Variants in MAGI1 observed in about 807,000 individuals in gnomAD.
The protein encoded by MAGI1 is membrane-associated guanylate kinase, WW and PDZ domain-containing protein 1.
A neutral mutation model predicts 139.9 loss-of-function variants in MAGI1; 58 were observed. That is an observed-to-expected ratio of 0.41 (90% confidence interval 0.34 to 0.52). The LOEUF (loss-of-function observed/expected upper bound fraction) is 0.52, where lower values mean the gene tolerates loss of function less well. Among genes scored for constraint, MAGI1 ranks in the 20% least tolerant of loss-of-function variants. The pLI is 0.12. For missense variants in MAGI1, 1,874 were observed against 1,901.6 expected (o/e 0.99, Z 0.27); for synonymous variants, 812 against 737.9 (o/e 1.10, Z -1.63).
At chr3:65,505,601 C>T (rs563093121) in intron 2 of MAGI1, among the ~76,000 whole-genome samples, 10 of 150,774 alleles carry the variant, frequency 6.6e-5, no homozygotes, top group African/African-American at 1.9e-4. Context: ...GAGCCATGAT[C>T]GTGCCACTGC....
chr3:65,768,497 T>C (rs1223535709), intron 1 of MAGI1, among the ~76,000 whole-genome samples: 1 of 152,190 alleles, frequency 6.6e-6, no homozygotes, highest in East Asian at 1.9e-4. Flanking sequence ...AGGTTGCTTG[T>C]CTCAGTCAAG....
chr3:65,656,607 G>A (rs2085889175), intron 1 of MAGI1, among the ~76,000 whole-genome samples: 1 of 152,086 alleles, frequency 6.6e-6, no homozygotes, highest in South Asian at 2.1e-4. Context: ...GAGTGGGGGT[G>A]GGAGGCGGAT....
intron 1 of MAGI1, among the ~76,000 whole-genome samples, chr3:65,940,790 A>G (rs2063278013): frequency 6.6e-6 from 1 of 152,184 alleles, no homozygotes; most frequent in African/African-American, 2.4e-5. Context: ...TCCAGAGGCA[A>G]CCCACAAGGT....
intron 1 of MAGI1, among the ~76,000 whole-genome samples, chr3:65,638,920 T>C (rs1367165822): frequency 1.3e-5 from 2 of 152,136 alleles, no homozygotes; most frequent in Non-Finnish European, 2.9e-5. Flanking sequence ...GCTTATTTTT[T>C]TGACTTTTAG....
At chr3:65,578,587 G>A (rs1055207647) in intron 2 of MAGI1, among the ~76,000 whole-genome samples, 8 of 152,144 alleles carry the variant, frequency 5.3e-5, no homozygotes, top group Non-Finnish European at 1.0e-4. Flanking sequence ...CAGTCATGGG[G>A]GAAAATGAAA....
At chr3:65,882,752 G>A (rs1212126948) in intron 1 of MAGI1, among the ~76,000 whole-genome samples, 1 of 151,994 alleles carries the variant, frequency 6.6e-6, no homozygotes, top group Non-Finnish European at 1.5e-5. Context: ...GGGCAACATG[G>A]TGAAACCCCA....
chr3:65,977,147 G>T (rs369528122), intron 1 of MAGI1, among the ~76,000 whole-genome samples: 2 of 152,102 alleles, frequency 1.3e-5, no homozygotes, highest in East Asian at 1.9e-4. Flanking sequence ...CATCTAACTT[G>T]TGCTTTAGGC....
intron 1 of MAGI1, among the ~76,000 whole-genome samples, chr3:65,819,382 T>C (rs898660778): frequency 1.3e-5 from 2 of 152,204 alleles, no homozygotes; most frequent in Non-Finnish European, 2.9e-5. Flanking sequence ...CATTGCTTAA[T>C]TCACTTGACC....
chr3:65,395,271 T>C (rs914227790), intron 13 of MAGI1, among the ~76,000 whole-genome samples: 2 of 151,838 alleles, frequency 1.3e-5, no homozygotes, highest in Non-Finnish European at 2.9e-5. Context: ...ATTAATAAAA[T>C]ATAATCTATT....
At chr3:65,639,916 C>T (rs974238404) in intron 1 of MAGI1, among the ~76,000 whole-genome samples, 4 of 151,304 alleles carry the variant, frequency 2.6e-5, no homozygotes, top group Non-Finnish European at 2.9e-5. Context: ...GCAGGAGAAT[C>T]GCTTGAACCC....
chr3:65,454,508 G>A (rs917969374), intron 5 of MAGI1, among the ~76,000 whole-genome samples: 7 of 127,158 alleles, frequency 5.5e-5, no homozygotes, highest in African/African-American at 2.1e-4. Flanking sequence ...TTGTGCACAT[G>A]TACCCTAAAA....
intron 1 of MAGI1, among the ~76,000 whole-genome samples, chr3:65,772,236 T>G (rs1455037016): frequency 6.6e-6 from 1 of 152,140 alleles, no homozygotes; most frequent in Non-Finnish European, 1.5e-5. Flanking sequence ...ATATAACCTA[T>G]TAGGCCCAAT....
In MAGI1 at chr3:65,619,945, T is replaced by C. The variant is rs1033716173; in HGVS notation, c.430+2027A>G. The C allele has an allele frequency of 3.0e-6, 3 of 985,340 alleles. No individual in the cohort carries two copies. In the African/African-American group the frequency reaches 5.2e-5, roughly 17 times the overall value. The allele number at this position is 985,340 out of a possible 1,614,324, so 61.0% of individuals were successfully genotyped here. ...AAAACATCAATGCCAAGGGGCTTTA[T>C]ACCAGCAAAAACAAACATGATTTTT... On this transcript the variant is annotated intron_variant, in intron 2 of 22. Coordinates refer to ENST00000402939, the MANE Select transcript of MAGI1 (RefSeq NM_001033057.2).
At chr3:65,799,239 C>CA (rs1168337663) in intron 1 of MAGI1, among the ~76,000 whole-genome samples, 1 of 152,128 alleles carries the variant, frequency 6.6e-6, no homozygotes, top group African/African-American at 2.4e-5. Context: ...GTTATGGCCA[C>CA]AGTGCATTAC....
chr3:65,521,349 T>C (rs573197658), intron 2 of MAGI1, among the ~76,000 whole-genome samples: 26 of 152,276 alleles, frequency 1.7e-4, no homozygotes, highest in African/African-American at 6.3e-4. Context: ...TATCTCTATA[T>C]TAAACAACCA....
chr3:65,531,390 C>T (rs1166246182), intron 2 of MAGI1, among the ~76,000 whole-genome samples: 1 of 151,994 alleles, frequency 6.6e-6, no homozygotes. Flanking sequence ...CAGGGGAACT[C>T]GGGTGAAGGG....
intron 4 of MAGI1, among the ~76,000 whole-genome samples, chr3:65,472,854 CAAGTTTTCAATCTTAATTTCTTTAAAAA>C (rs1950637166): frequency 1.3e-5 from 2 of 152,150 alleles, no homozygotes; most frequent in African/African-American, 2.4e-5. Context: ...TAAAATCTCC[CAAGTTTTCAATCTTAATTTCTTTAAAAA>C]ATAATGCAGT....
At chr3:65,761,861 C>T (rs562121078) in intron 1 of MAGI1, among the ~76,000 whole-genome samples, 15 of 152,280 alleles carry the variant, frequency 9.9e-5, no homozygotes, top group African/African-American at 3.6e-4. Flanking sequence ...TGTGAAAACA[C>T]GTCAGGTGTG....
At chr3:66,034,256 C>T (rs1004019463) in intron 1 of MAGI1, among the ~76,000 whole-genome samples, 72 of 151,690 alleles carry the variant, frequency 4.7e-4, no homozygotes, top group African/African-American at 1.6e-3. Flanking sequence ...TATACTAATG[C>T]CACTGGTCTG....
Sources: gnomAD v4.1 joint callset for allele counts (sites outside exome capture counted in the v4.1 genomes callset) on GRCh38, gnomAD v4.1.1 for gene constraint, MANE v1.5 for transcripts, NCBI Gene and HGNC (gene_info 2026-07-23, HGNC 2026-07-21) for gene names.